DMXL1: variants seen among roughly 807,000 people sequenced by gnomAD.
DMXL1 encodes Dmx like 1.
Under a neutral mutation model 319.2 loss-of-function variants are expected in DMXL1, and 99 were observed. The observed-to-expected ratio is 0.31, with a 90% CI of 0.26 to 0.37. DMXL1 has a LOEUF of 0.37. Ranked by LOEUF, DMXL1 falls within the 10% of genes least tolerant of loss-of-function variation. The pLI is 1.00. For missense variants in DMXL1, 3,745 were observed against 3,595.6 expected (o/e 1.04, Z -1.06); for synonymous variants, 1,385 against 1,235.2 (o/e 1.12, Z -2.54).
chr5:119,109,584 C>G (rs1407845763), intron 4 of DMXL1, among the ~76,000 whole-genome samples: 1 of 152,164 alleles, frequency 6.6e-6, no homozygotes, highest in African/African-American at 2.4e-5. Context: ...TTAACCTATA[C>G]CAGATTAAGA....
At chr5:119,173,116 A>G (rs1774919097) in intron 25 of DMXL1, among the ~76,000 whole-genome samples, 1 of 152,150 alleles carries the variant, frequency 6.6e-6, no homozygotes, top group African/African-American at 2.4e-5. Flanking sequence ...AGGCAGGCAG[A>G]TCACCTGAGG....
At chr5:119,224,491 A>G (rs1785185595) in intron 37 of DMXL1, among the ~76,000 whole-genome samples, 1 of 152,062 alleles carries the variant, frequency 6.6e-6, no homozygotes, top group Non-Finnish European at 1.5e-5. Context: ...AAAGGAATTT[A>G]TCTTTAGATC....
intron 37 of DMXL1, among the ~76,000 whole-genome samples, chr5:119,223,124 T>C (rs1450079942): frequency 2.0e-5 from 3 of 149,074 alleles, no homozygotes; most frequent in African/African-American, 7.4e-5. Flanking sequence ...TGGTGCAATA[T>C]TGGCTCACTG....
intron 1 of DMXL1, among the ~76,000 whole-genome samples, chr5:119,086,225 C>A (rs183940255): frequency 1.3e-5 from 2 of 152,090 alleles, no homozygotes; most frequent in East Asian, 1.9e-4. Context: ...TATTCACTAC[C>A]GTGAAAACAG....
intron 39 of DMXL1, chr5:119,236,871 G>A (rs1283070424): frequency 2.6e-5 from 4 of 151,838 alleles, no homozygotes; most frequent in East Asian, 1.9e-4. Context: ...CTCCCATAGC[G>A]GAATTATTTT....
intron 1 of DMXL1, among the ~76,000 whole-genome samples, chr5:119,075,474 A>G (rs866302379): frequency 9.9e-5 from 15 of 151,620 alleles, no homozygotes; most frequent in South Asian, 4.2e-4. Flanking sequence ...CCTCACCTCA[A>G]ATGATCCGCC....
rs543622896 is a variant in DMXL1, at chr5:119,189,523, T to C, written c.7136-185T>C. 2.1e-4 allele frequency among the ~76,000 whole-genome samples: 32 copies of C among 152,276 alleles called. 1 individual carries two copies. The South Asian group carries it at 6.6e-3, about 32-fold the overall frequency. On this transcript the variant is annotated intron_variant, in intron 28 of 43. Coordinates refer to ENST00000539542, the MANE Select transcript of DMXL1 (RefSeq NM_001290321.3). ...GGACAAATTGAGGAAAAAGCAGAGG[T>C]TGCTAGACAGAAATGATTTTTGTCT... is the stretch of plus-strand genomic sequence containing the variant.
At chr5:119,142,150 C>CT (rs1388292340) in intron 13 of DMXL1, among the ~76,000 whole-genome samples, 1 of 151,986 alleles carries the variant, frequency 6.6e-6, no homozygotes, top group Non-Finnish European at 1.5e-5. Context: ...ACCTAAAACT[C>CT]TAAAAACCCT....
chr5:119,227,754 A>G (rs561214175), intron 38 of DMXL1, among the ~76,000 whole-genome samples: 3 of 152,258 alleles, frequency 2.0e-5, no homozygotes, highest in East Asian at 1.9e-4. Flanking sequence ...GATGTTTCCA[A>G]TTATGTCCTG....
chr5:119,103,669 C>T (rs1229278827), intron 3 of DMXL1, among the ~76,000 whole-genome samples: 1 of 152,120 alleles, frequency 6.6e-6, no homozygotes, highest in African/African-American at 2.4e-5. Context: ...AGTGAATCCA[C>T]TATTTGAGCC....
chr5:119,219,368 A>C lies in DMXL1; in HGVS notation c.8014-1104A>C, dbSNP rs1383964104. 2.6e-5 allele frequency among the ~76,000 whole-genome samples: 4 copies of C among 152,200 alleles called. No individual in the cohort carries two copies. In the East Asian group the frequency reaches 5.8e-4, roughly 22 times the overall value. ...GGCAGACATGACTCACTTATAAAAC[A>C]TGCAGAATTTGGGATACCCATGGAG... On this transcript the variant is annotated intron_variant, in intron 35 of 43. Coordinates refer to ENST00000539542, the MANE Select transcript of DMXL1 (RefSeq NM_001290321.3).
At chr5:119,121,806 C>T (rs1376288527) in intron 9 of DMXL1, among the ~76,000 whole-genome samples, 12 of 152,194 alleles carry the variant, frequency 7.9e-5, no homozygotes, top group Admixed American at 1.3e-4. Context: ...GTACACCTCC[C>T]AGACGGGGTG....
At chr5:119,117,125 C>G (rs1424150022) in intron 7 of DMXL1, among the ~76,000 whole-genome samples, 2 of 152,278 alleles carry the variant, frequency 1.3e-5, no homozygotes, top group Middle Eastern at 3.4e-3. Context: ...ACCTCCTGGG[C>G]TCAAGTGATC....
intron 4 of DMXL1, among the ~76,000 whole-genome samples, chr5:119,107,086 C>T (rs1205681324): frequency 6.6e-6 from 1 of 152,098 alleles, no homozygotes; most frequent in East Asian, 1.9e-4. Flanking sequence ...CCTGTAATAT[C>T]AGCACTTTAG....
intron 19 of DMXL1, among the ~76,000 whole-genome samples, chr5:119,158,974 G>A (rs1360525295): frequency 6.6e-6 from 1 of 152,120 alleles, no homozygotes; most frequent in African/African-American, 2.4e-5. Flanking sequence ...ATTGGCATAA[G>A]GGAAATCCTG....
chr5:119,237,770 A>G (rs913452835), intron 40 of DMXL1, among the ~76,000 whole-genome samples: 1 of 152,040 alleles, frequency 6.6e-6, no homozygotes, highest in African/African-American at 2.4e-5. Context: ...TTTTTCTGCA[A>G]TTATCTCTTA....
chr5:119,114,098 C>T (rs1436186030), intron 5 of DMXL1, among the ~76,000 whole-genome samples: 1 of 152,136 alleles, frequency 6.6e-6, no homozygotes, highest in South Asian at 2.1e-4. Context: ...GTAAGTATTA[C>T]CCTAAGGCAA....
In DMXL1 at chr5:119,149,915, C is replaced by G; in HGVS notation, c.4088C>G (p.Ala1363Gly). Reference protein sequence around the residue: ...IAGEVVALNEAESNHERRLRS... With the variant: ...IAGEVVALNEGESNHERRLRS... ...GGGGAAGTTGTGGCTCTGAATGAAGCTGAATCTAATCATGAACGCCGCCTT... is the reference window on the plus strand; with the variant it reads ...GGGGAAGTTGTGGCTCTGAATGAAGGTGAATCTAATCATGAACGCCGCCTT... The change falls in exon 18 of 44, where the codon GCT becomes GGT. Residue 1363 changes from alanine (A) to glycine (G), a missense_variant. Physicochemically the swap from Ala to Gly is moderately conservative, Grantham distance 60. This residue lies in a region of DMXL1 where 2,096 missense variants were observed against 1,985.4 expected (regional missense o/e 1.06). Coordinates refer to ENST00000539542, the MANE Select transcript of DMXL1 (RefSeq NM_001290321.3). 6.2e-7 allele frequency: 1 copy of G among 1,613,834 alleles called. No individual in the cohort carries two copies. The highest frequency in any genetic ancestry group is 1.1e-5 in the South Asian group (1 of 91,068).
At chr5:119,171,652 C>G (rs1341237720) in intron 24 of DMXL1, 126 bp from the exon 25 acceptor site, 15 of 732,514 alleles carry the variant, frequency 2.0e-5, no homozygotes, top group African/African-American at 5.6e-5. Context: ...CCTTCTAACT[C>G]TAAGTTTCTA....
Sources: allele counts gnomAD v4.1 joint callset (sites outside exome capture counted in the v4.1 genomes callset), GRCh38; gene constraint gnomAD v4.1.1; regional missense constraint gnomAD v4.1.1; transcripts MANE v1.5; gene names NCBI Gene and HGNC (gene_info 2026-07-23, HGNC 2026-07-21).